Variants in NUP88 observed in about 807,000 individuals in gnomAD.
NUP88 encodes nuclear pore complex protein Nup88.
Under a neutral mutation model 93.9 loss-of-function variants are expected in NUP88, and 57 were observed. The observed-to-expected ratio is 0.61, with a 90% CI of 0.49 to 0.76. The LOEUF is 0.76. Ranked by LOEUF, NUP88 falls within the 30% of genes least tolerant of loss-of-function variation. The pLI is 0.00. For missense variants in NUP88, 911 were observed against 901.0 expected (o/e 1.01, Z -0.14); for synonymous variants, 346 against 336.8 (o/e 1.03, Z -0.30).
chr17:5,400,585 C>T (rs894925331), intron 7 of NUP88, among the ~76,000 whole-genome samples: 1 of 151,740 alleles, frequency 6.6e-6, no homozygotes, highest in Admixed American at 6.6e-5. Flanking sequence ...TACTTGCTGG[C>T]AAGTAACTCA....
intron 3 of NUP88, among the ~76,000 whole-genome samples, chr17:5,412,732 T>C (rs949282461): frequency 2.0e-5 from 3 of 151,540 alleles, no homozygotes; most frequent in South Asian, 2.1e-4. Context: ...TAGTGACAGA[T>C]GGAACGAGAT....
At position 5,419,343 on chromosome 17, in the gene NUP88, C is replaced by G. The variant is rs201003161; in HGVS notation, c.297+11G>C. 3.1e-5 allele frequency: 48 copies of G among 1,547,556 alleles called. No homozygotes were observed. Among genetic ancestry groups the G allele is most frequent in the Non-Finnish European group, 3.9e-5 (45 of 1,147,656 alleles). ...CGGTGAGGGTCACTTCCAAGATCGG[C>G]CTGGCATTACCTGGTACTGGGACAG... On this transcript the variant is annotated intron_variant, in intron 1 of 16. Coordinates refer to ENST00000573584, the MANE Select transcript of NUP88 (RefSeq NM_002532.6).
At position 5,386,384 on chromosome 17, in the gene NUP88, C is replaced by T. The variant is rs2144755647; in HGVS notation, c.2163-115G>A. The stretch of plus-strand genomic sequence containing the variant: ...CTAAGAACTGCTTTGCTAAAATTAA[C>T]AGCTGAAGGTTTCAGGTGGATAGCA... On this transcript the variant is annotated intron_variant, in intron 16 of 16. Transcript: ENST00000573584. 4 of 833,784 alleles carry T rather than the reference C, an allele frequency of 4.8e-6. No homozygotes were observed. In the East Asian group the frequency reaches 1.0e-4, roughly 21 times the overall value. 51.6% of individuals were successfully genotyped at this position (833,784 alleles called of 1,614,324 possible). A position where few individuals can be genotyped will look rare whatever the true frequency, so the allele number is the denominator to read the frequency against.
At position 5,387,121 on chromosome 17, in the gene NUP88, G is replaced by A. The variant is rs757523881; in HGVS notation, c.1917-11C>T. The A allele has an allele frequency of 5.6e-5, 90 of 1,611,924 alleles. No homozygotes were observed. The highest frequency in any genetic ancestry group is 7.5e-5 in the Non-Finnish European group (88 of 1,179,414). ...AGTAGTTTTTTCATCCTTTAGAAAA[G>A]GCAAGCAAACATCTCAATTTAAGGT... On this transcript the variant is annotated splice_polypyrimidine_tract_variant and intron_variant, in intron 14 of 16. Transcript: ENST00000573584.
Position 5,386,832 on chromosome 17 carries a change from G to T in NUP88, c.2044-6C>A. The T allele has an allele frequency of 6.3e-7, 1 of 1,599,218 alleles. No individual in the cohort carries two copies. Among genetic ancestry groups the T allele is most frequent in the Non-Finnish European group, 8.6e-7 (1 of 1,166,750 alleles). ...TAATCCTTTTTCATAGTAACCTTAA[G>T]TATTAAAATAATAGATATTTTGGCA... On this transcript the variant is annotated splice_region_variant and splice_polypyrimidine_tract_variant and intron_variant, in intron 15 of 16. Coordinates refer to ENST00000573584, the MANE Select transcript of NUP88 (RefSeq NM_002532.6).
chr17:5,408,667 C>T, intron 5 of NUP88, 66 bp downstream of exon 5: 1 of 1,234,224 alleles, frequency 8.1e-7, no homozygotes, highest in Non-Finnish European at 1.1e-6. Context: ...CCAAGTCCAG[C>T]CTCAATGATA....
chr17:5,405,596 C>T (rs1913447509), intron 5 of NUP88, among the ~76,000 whole-genome samples: 1 of 152,116 alleles, frequency 6.6e-6, no homozygotes, highest in Non-Finnish European at 1.5e-5. Flanking sequence ...ATAATTCAGA[C>T]CAAAATGTCA....
intron 11 of NUP88, 137 bp downstream of exon 11, chr17:5,388,664 TG>T: frequency 1.4e-6 from 1 of 715,380 alleles, no homozygotes; most frequent in Non-Finnish European, 2.2e-6. Context: ...ATTCACTAGC[TG>T]ATCAAATATA....
At chr17:5,405,852 C>T (rs1913460308) in intron 5 of NUP88, among the ~76,000 whole-genome samples, 1 of 152,174 alleles carries the variant, frequency 6.6e-6, no homozygotes, top group Non-Finnish European at 1.5e-5. Context: ...TAATTTCTGT[C>T]TCTTAAATAT....
At chr17:5,416,734 G>A (rs2151649736) in intron 1 of NUP88, 52 bp from the exon 2 acceptor site, 1 of 1,433,446 alleles carries the variant, frequency 7.0e-7, no homozygotes, top group Non-Finnish European at 9.5e-7. Context: ...TTAAATATAG[G>A]TGGCAGTTAC....
chr17:5,407,587 T>A (rs1913572088), intron 5 of NUP88, among the ~76,000 whole-genome samples: 1 of 152,244 alleles, frequency 6.6e-6, no homozygotes, highest in South Asian at 2.1e-4. Flanking sequence ...TCTCTCACCA[T>A]GAAAGATGAT....
intron 6 of NUP88, 141 bp downstream of exon 6, chr17:5,404,916 C>CT: frequency 1.3e-6 from 1 of 795,590 alleles, no homozygotes; most frequent in Non-Finnish European, 2.0e-6. Context: ...GCTTCAGCTA[C>CT]TTTTTTAACT....
chr17:5,410,744 T>C lies in NUP88; in HGVS notation c.639A>G (p.Ile213Met), dbSNP rs1913790252. The change falls in exon 4 of 17, where the codon ATA becomes ATG. Residue 213 changes from isoleucine to methionine, a missense_variant. Transcript: ENST00000573584. ...GACTTTCCTCTTCGGCTTCTGAAAG[T>C]ATTATCACGTTAGTGGGTGTCTGCG... is the stretch of plus-strand genomic sequence containing the variant. Reference protein sequence around the residue: ...REPQTPTNVIILSEAEEESLV... With the variant: ...REPQTPTNVIMLSEAEEESLV... 6.2e-7 allele frequency: 1 copy of C among 1,613,076 alleles called. No homozygotes were observed.
At chr17:5,414,664 A>T (rs951841593) in intron 2 of NUP88, among the ~76,000 whole-genome samples, 4 of 152,168 alleles carry the variant, frequency 2.6e-5, no homozygotes, top group African/African-American at 9.6e-5. Context: ...GCTCACGCCT[A>T]TCTTAGCACT....
chr17:5,387,252 C>T, intron 14 of NUP88, 134 bp downstream of exon 14: 1 of 1,246,008 alleles, frequency 8.0e-7, no homozygotes, highest in Non-Finnish European at 1.1e-6. Context: ...ATGTTTTCCC[C>T]AACATATACT....
intron 4 of NUP88, among the ~76,000 whole-genome samples, chr17:5,410,328 C>G (rs1913758809): frequency 6.6e-6 from 1 of 152,084 alleles, no homozygotes; most frequent in Admixed American, 6.6e-5. Flanking sequence ...CAGGAAGATT[C>G]TAGTTCAATA....
chr17:5,396,331 C>T (rs1170608201), intron 8 of NUP88, among the ~76,000 whole-genome samples: 1 of 152,242 alleles, frequency 6.6e-6, no homozygotes, highest in Non-Finnish European at 1.5e-5. Context: ...ACCTAGGCAA[C>T]TAATCTACTT....
intron 1 of NUP88, 147 bp from the exon 2 acceptor site, chr17:5,416,829 CA>C: frequency 1.3e-5 from 7 of 547,282 alleles, no homozygotes; most frequent in Non-Finnish European, 2.0e-5. Context: ...CATTAACTCA[CA>C]AATTTTTTTT....
intron 5 of NUP88, among the ~76,000 whole-genome samples, chr17:5,407,808 T>A (rs757838195): frequency 4.6e-5 from 7 of 152,218 alleles, no homozygotes; most frequent in Non-Finnish European, 8.8e-5. Flanking sequence ...TTATCCTTCC[T>A]TTGTTGTTAT....
Sources: allele counts gnomAD v4.1 joint callset (sites outside exome capture counted in the v4.1 genomes callset), GRCh38; gene constraint gnomAD v4.1.1; transcripts MANE v1.5; gene names NCBI Gene and HGNC (gene_info 2026-07-23, HGNC 2026-07-21).